The following DCDC1 variants were observed in gnomAD, a reference collection of about 807,000 sequenced individuals.
DCDC1 encodes doublecortin domain-containing protein 1.
Under a neutral mutation model 178.3 loss-of-function variants are expected in DCDC1, and 200 were observed. That is an observed-to-expected ratio of 1.12 (90% CI 1.00 to 1.26). DCDC1 has a LOEUF of 1.26. Ranked by LOEUF, DCDC1 falls within the 50% of genes most tolerant of loss-of-function variation. The probability of loss-of-function intolerance (pLI) is 0.00; values close to 1 mark genes in which losing one functional copy is unlikely to be tolerated. For missense variants in DCDC1, 1,983 were observed against 1,749.2 expected, an observed-to-expected ratio of 1.13 and a Z score of -2.38; for synonymous variants, 690 against 604.8, an observed-to-expected ratio of 1.14 and a Z score of -2.07.
chr11:31,072,352 A>T (rs1171841316), intron 18 of DCDC1, among the ~76,000 whole-genome samples: 2 of 151,964 alleles, frequency 1.3e-5, no homozygotes, highest in Admixed American at 6.6e-5. Context: ...GCATTCTCTG[A>T]TGTTTATGTT....
intron 12 of DCDC1, among the ~76,000 whole-genome samples, chr11:31,108,176 G>A (rs71482088): frequency 0.017 from 2,617 of 152,232 alleles, 29 homozygotes; most frequent in African/African-American, 0.029. Flanking sequence ...TTAGAGATAC[G>A]TAATAGTATC....
chr11:31,038,923 G>A (rs1954256754), intron 20 of DCDC1, among the ~76,000 whole-genome samples: 1 of 151,916 alleles, frequency 6.6e-6, no homozygotes, highest in Non-Finnish European at 1.5e-5. Context: ...AGTTTAGAAG[G>A]TAAAAGTGAA....
intron 12 of DCDC1, among the ~76,000 whole-genome samples, chr11:31,107,656 T>C (rs1242045054): frequency 6.6e-6 from 1 of 152,226 alleles, no homozygotes; most frequent in Admixed American, 6.5e-5. Flanking sequence ...AAGATATTTC[T>C]AATTTAGGGC....
intron 20 of DCDC1, among the ~76,000 whole-genome samples, chr11:31,029,248 T>A (rs549162851): frequency 1.4e-4 from 22 of 152,188 alleles, no homozygotes; most frequent in Non-Finnish European, 2.6e-4. Context: ...TATTTTATAA[T>A]TCCTGAAATA....
chr11:31,314,130 T>C (rs918615285), intron 3 of DCDC1, among the ~76,000 whole-genome samples: 2 of 152,194 alleles, frequency 1.3e-5, no homozygotes, highest in African/African-American at 4.8e-5. Flanking sequence ...AATTACTATA[T>C]CTCATTGGTT....
intron 36 of DCDC1, among the ~76,000 whole-genome samples, chr11:30,887,780 C>T (rs1475010400): frequency 2.6e-5 from 4 of 151,898 alleles, no homozygotes; most frequent in African/African-American, 4.8e-5. Context: ...GAGGCCAAGG[C>T]GGGGGGATCA....
intron 9 of DCDC1, among the ~76,000 whole-genome samples, chr11:31,223,391 C>T (rs1974516187): frequency 6.6e-6 from 1 of 152,046 alleles, no homozygotes; most frequent in African/African-American, 2.4e-5. Flanking sequence ...TTATAAATTG[C>T]TGGTGAAAGT....
At chr11:31,078,047 A>G (rs1017697801) in intron 17 of DCDC1, 122 bp from the exon 18 acceptor site, 1 of 652,216 alleles carries the variant, frequency 1.5e-6, no homozygotes, top group African/African-American at 1.8e-5. Flanking sequence ...TCTACCAAAG[A>G]TTCTGCCACC....
chr11:31,022,211 A>G (rs564922669), intron 20 of DCDC1, among the ~76,000 whole-genome samples: 18 of 152,302 alleles, frequency 1.2e-4, no homozygotes, highest in Non-Finnish European at 2.1e-4. Flanking sequence ...TCTGAAACCT[A>G]TAAGAGAGAA....
intron 20 of DCDC1, among the ~76,000 whole-genome samples, chr11:30,969,321 A>G (rs906472827): frequency 1.3e-5 from 2 of 152,224 alleles, no homozygotes; most frequent in African/African-American, 4.8e-5. Flanking sequence ...TTGACACTAC[A>G]AAAGAGGAGA....
rs115909054 is a variant in DCDC1, at chr11:31,198,904, T to C, written c.1221+42546A>G. Reference sequence around the variant, plus strand: ...CTCTGAATAAAGAAATCATTTTAAATTTTCTACAAAAGAAATGAGTGAAAA... The same window carrying C: ...CTCTGAATAAAGAAATCATTTTAAACTTTCTACAAAAGAAATGAGTGAAAA... On this transcript the variant is annotated intron_variant, in intron 9 of 38. Coordinates refer to ENST00000684477, the MANE Select transcript of DCDC1 (RefSeq NM_001387274.1). 1.6e-3 allele frequency among the ~76,000 whole-genome samples: 244 copies of C among 151,982 alleles called. 2 individuals are homozygous for C. Among genetic ancestry groups the C allele is most frequent in the African/African-American group, 5.6e-3 (232 of 41,478 alleles).
intron 20 of DCDC1, among the ~76,000 whole-genome samples, chr11:31,026,241 A>G (rs1048149400): frequency 6.6e-6 from 1 of 151,792 alleles, no homozygotes; most frequent in Non-Finnish European, 1.5e-5. Flanking sequence ...AGGACTTACA[A>G]CATTACTGCC....
rs150290711 is a variant in DCDC1 at position 31,324,016 on chromosome 11, A to C, written c.164+4101T>G. ...GTTTTACTTCCAATTCCAGAAGAAA[A>C]TGTAATTCTAGTTTGGCCTAAAAAT... is the stretch of plus-strand genomic sequence containing the variant. On this transcript the variant is annotated intron_variant, in intron 3 of 38. Coordinates refer to ENST00000684477, the MANE Select transcript of DCDC1 (RefSeq NM_001387274.1). 3.7e-3 allele frequency among the ~76,000 whole-genome samples: 563 copies of C among 152,238 alleles called. 2 individuals are homozygous for C. Among genetic ancestry groups the C allele is most frequent in the African/African-American group, 0.013 (542 of 41,564 alleles).
intron 7 of DCDC1, among the ~76,000 whole-genome samples, chr11:31,288,496 T>A (rs1946998955): frequency 6.6e-6 from 1 of 151,898 alleles, no homozygotes; most frequent in Admixed American, 6.6e-5. Flanking sequence ...CTACTTATAA[T>A]TAAAATAGAG....
intron 17 of DCDC1, among the ~76,000 whole-genome samples, chr11:31,088,189 A>G (rs192225264): frequency 3.3e-5 from 5 of 152,046 alleles, no homozygotes; most frequent in South Asian, 2.1e-4. Context: ...TACTTTCAAC[A>G]TATTTGTTTC....
intron 8 of DCDC1, among the ~76,000 whole-genome samples, chr11:31,250,278 T>C (rs1331603089): frequency 7.0e-6 from 1 of 143,404 alleles, no homozygotes; most frequent in African/African-American, 2.5e-5. Context: ...AAGAGAATTA[T>C]ATTACTTAGT....
chr11:31,010,875 A>G (rs888997182), intron 20 of DCDC1, among the ~76,000 whole-genome samples: 6 of 152,210 alleles, frequency 3.9e-5, no homozygotes, highest in African/African-American at 1.4e-4. Flanking sequence ...TTGGAGTTAT[A>G]TTAAATTAGT....
At chr11:31,242,351 G>C (rs1284784670) in intron 8 of DCDC1, among the ~76,000 whole-genome samples, 1 of 151,920 alleles carries the variant, frequency 6.6e-6, no homozygotes, top group Non-Finnish European at 1.5e-5. Context: ...CACACGATTA[G>C]TTAATAAAGT....
chr11:31,006,113 A>T (rs375546650), intron 20 of DCDC1, among the ~76,000 whole-genome samples: 1 of 152,084 alleles, frequency 6.6e-6, no homozygotes, highest in South Asian at 2.1e-4. Context: ...TATATCCATT[A>T]TCAGTCTAGT....
Sources: allele counts gnomAD v4.1 joint callset (sites outside exome capture counted in the v4.1 genomes callset), GRCh38; gene constraint gnomAD v4.1.1; transcripts MANE v1.5; gene names NCBI Gene and HGNC (gene_info 2026-07-23, HGNC 2026-07-21).